INSYN2B: variants seen among roughly 807,000 people sequenced by gnomAD.
The protein encoded by INSYN2B is inhibitory synaptic factor family member 2B, also known as protein INSYN2B.
INSYN2B carries 16 observed loss-of-function variants against 41.2 expected under a neutral mutation model. That is an observed-to-expected ratio of 0.39 (90% CI 0.26 to 0.59). INSYN2B has a LOEUF of 0.59. Among genes scored for constraint, INSYN2B ranks in the 20% least tolerant of loss-of-function variants. The pLI, the probability that INSYN2B is intolerant of heterozygous loss-of-function variation, is 0.57. For synonymous variants in INSYN2B, 245 were observed against 244.4 expected, an observed-to-expected ratio of 1.00 and a Z score of -0.02; for missense variants, 608 against 646.4, an observed-to-expected ratio of 0.94 and a Z score of 0.64.
At chr5:169,864,882 C>A (rs1400612547) in intron 3 of INSYN2B, among the ~76,000 whole-genome samples, 1 of 152,144 alleles carries the variant, frequency 6.6e-6, no homozygotes, top group Admixed American at 6.5e-5. Flanking sequence ...GTAATAAGAG[C>A]ACCTATCTCA....
At chr5:169,907,624 G>C (rs997080789) in intron 1 of INSYN2B, among the ~76,000 whole-genome samples, 8 of 152,142 alleles carry the variant, frequency 5.3e-5, no homozygotes, top group Non-Finnish European at 1.0e-4. Context: ...AATTACCTCT[G>C]TTCTACACAC....
chr5:169,926,496 A>G (rs1775465968), intron 1 of INSYN2B, among the ~76,000 whole-genome samples: 1 of 152,326 alleles, frequency 6.6e-6, no homozygotes, highest in South Asian at 2.1e-4. Context: ...CCATGTTCAA[A>G]GAAAGCTTTG....
rs986430940 is a variant in INSYN2B, at chr5:169,882,533, T to C, written c.1346+20A>G. The C allele has an allele frequency of 1.6e-5, 25 of 1,516,622 alleles. No homozygotes were observed. In the Admixed American group the frequency reaches 3.4e-4, roughly 21 times the overall value. The allele number at this position is 1,516,622 out of a possible 1,614,324, so 93.9% of individuals were successfully genotyped here. On this transcript the variant is annotated intron_variant, in intron 2 of 3. Transcript: ENST00000377365. ...TGACTTCACCCAGTCATTTTTAATA[T>C]GAAAAAAAAATCTCCTTACCCTTCA...
chr5:169,867,405 C>A (rs546787984), intron 3 of INSYN2B, among the ~76,000 whole-genome samples: 1 of 93,214 alleles, frequency 1.1e-5, no homozygotes, highest in Non-Finnish European at 2.3e-5. Context: ...GGGTGAAAAC[C>A]TCTCTGTCTG....
intron 1 of INSYN2B, among the ~76,000 whole-genome samples, chr5:169,886,425 A>G (rs1240200763): frequency 6.6e-6 from 1 of 152,256 alleles, no homozygotes; most frequent in Non-Finnish European, 1.5e-5. Context: ...GGAGAATCCC[A>G]GAGACAATTT....
At chr5:169,972,579 A>AGAT (rs762236382) in intron 1 of INSYN2B, among the ~76,000 whole-genome samples, 3,428 of 52,570 alleles carry the variant, frequency 0.065, 49 homozygotes, top group Non-Finnish European at 0.077. Flanking sequence ...ATAGATAGAT[A>AGAT]GATAGATGAT....
Position 169,882,655 on chromosome 5 carries a change from C to T in INSYN2B, c.1244G>A (p.Arg415Gln), listed in dbSNP as rs750657614. The T allele has an allele frequency of 1.7e-5, 27 of 1,551,914 alleles. No individual in the cohort carries two copies. Among genetic ancestry groups the T allele is most frequent in the Non-Finnish European group, 2.0e-5 (23 of 1,147,042 alleles). ...CAGAGATTCCTCCACAGATTGCAGT[C>T]GGCCTTGGAGGTCGCAGAGTTCACC... is the stretch of plus-strand genomic sequence containing the variant. The part of the protein sequence containing the change: ...ARGELCDLQG[R>Q]LQSVEESLHS... The change falls in exon 2 of 4, where the codon CGA (arginine) becomes CAA (glutamine). Residue 415 changes from arginine to glutamine, a missense_variant. Coordinates refer to ENST00000377365, the MANE Select transcript of INSYN2B (RefSeq NM_001129891.3).
rs984360801 is a variant in INSYN2B, at chr5:169,936,800, C to T, written c.-919+43477G>A. Among the ~76,000 whole-genome samples, 6 of 152,134 alleles carry T rather than the reference C, an allele frequency of 3.9e-5. No individual in the cohort carries two copies. The South Asian group carries it at 8.3e-4, about 21-fold the overall frequency. ...ACTAATTAAGACGTGGCAATGCCCA[C>T]TTAGTAAATTAGCTAAATTGACAAA... On this transcript the variant is annotated intron_variant, in intron 1 of 3. Coordinates refer to ENST00000377365, the MANE Select transcript of INSYN2B (RefSeq NM_001129891.3).
intron 1 of INSYN2B, among the ~76,000 whole-genome samples, chr5:169,924,142 G>A (rs774400404): frequency 6.6e-6 from 1 of 152,134 alleles, no homozygotes; most frequent in Non-Finnish European, 1.5e-5. Context: ...CTCCCAGTCT[G>A]CTTCTCCCTG....
intron 1 of INSYN2B, among the ~76,000 whole-genome samples, chr5:169,907,531 C>T (rs564682049): frequency 2.0e-4 from 30 of 152,308 alleles, no homozygotes; most frequent in African/African-American, 7.0e-4. Context: ...TTAGCGAAGA[C>T]TAGTTGCCAG....
chr5:169,911,696 G>T (rs898650019), intron 1 of INSYN2B, among the ~76,000 whole-genome samples: 1 of 152,170 alleles, frequency 6.6e-6, no homozygotes, highest in African/African-American at 2.4e-5. Context: ...AATTAGCCAA[G>T]AAGTTGGTGC....
chr5:169,927,578 A>C (rs941261079), intron 1 of INSYN2B, among the ~76,000 whole-genome samples: 6 of 152,134 alleles, frequency 3.9e-5, no homozygotes, highest in African/African-American at 1.2e-4. Flanking sequence ...GATAATTCTA[A>C]AGGTACAGTC....
At chr5:169,896,843 G>A (rs761453034) in intron 1 of INSYN2B, among the ~76,000 whole-genome samples, 4 of 152,096 alleles carry the variant, frequency 2.6e-5, no homozygotes, top group Non-Finnish European at 5.9e-5. Context: ...AAATGCAGAT[G>A]CCATAGAACT....
intron 1 of INSYN2B, among the ~76,000 whole-genome samples, chr5:169,902,959 G>A (rs1283655424): frequency 2.0e-5 from 3 of 152,108 alleles, no homozygotes; most frequent in South Asian, 4.1e-4. Flanking sequence ...TTAGCTGGGT[G>A]TGGTGGCACA....
At chr5:169,959,600 T>C (rs1777001629) in intron 1 of INSYN2B, among the ~76,000 whole-genome samples, 1 of 152,170 alleles carries the variant, frequency 6.6e-6, no homozygotes, top group African/African-American at 2.4e-5. Flanking sequence ...TCACTGAATC[T>C]TTTATTGGGA....
intron 3 of INSYN2B, among the ~76,000 whole-genome samples, chr5:169,868,612 G>T (rs1033253796): frequency 2.0e-5 from 3 of 152,100 alleles, no homozygotes; most frequent in African/African-American, 7.2e-5. Context: ...TAAAAAATTA[G>T]CCATGTGTGG....
intron 1 of INSYN2B, among the ~76,000 whole-genome samples, chr5:169,922,582 GT>G (rs765420666): frequency 6.6e-6 from 1 of 152,202 alleles, no homozygotes; most frequent in Non-Finnish European, 1.5e-5. Context: ...AGGATTTGCA[GT>G]TTAGAGAATA....
chr5:169,903,990 G>A (rs1774121412), intron 1 of INSYN2B, among the ~76,000 whole-genome samples: 1 of 151,656 alleles, frequency 6.6e-6, no homozygotes, highest in African/African-American at 2.4e-5. Flanking sequence ...TACTCGGGAG[G>A]GCTGAGGCAT....
chr5:169,935,002 A>G, intron 1 of INSYN2B: 1 of 264,102 alleles, frequency 3.8e-6, no homozygotes, highest in Non-Finnish European at 7.5e-6. Context: ...CAACATACTG[A>G]CTGCAGCCAT....
Sources: allele counts gnomAD v4.1 joint callset (sites outside exome capture counted in the v4.1 genomes callset), GRCh38; gene constraint gnomAD v4.1.1; transcripts MANE v1.5; gene names NCBI Gene and HGNC (gene_info 2026-07-23, HGNC 2026-07-21).